The following CACNA2D3 variants were observed in gnomAD, a reference collection of about 807,000 sequenced individuals.
CACNA2D3 encodes voltage-dependent calcium channel subunit alpha-2/delta-3.
Under a neutral mutation model 160.6 loss-of-function variants are expected in CACNA2D3, and 60 were observed. The ratio of observed to expected loss-of-function variants is 0.37; its 90% CI spans 0.30 to 0.46. CACNA2D3 has a LOEUF of 0.46. CACNA2D3 is among the 20% of genes least tolerant of loss of function. CACNA2D3 has a pLI of 1.00. For missense variants in CACNA2D3, 1,205 were observed against 1,365.0 expected (o/e 0.88, Z 1.85); for synonymous variants, 558 against 492.9 (o/e 1.13, Z -1.75).
intron 17 of CACNA2D3, among the ~76,000 whole-genome samples, chr3:54,863,661 C>T (rs1322785360): frequency 2.0e-5 from 3 of 151,782 alleles, no homozygotes; most frequent in African/African-American, 7.3e-5. Flanking sequence ...ACCCAGAGGA[C>T]ACTGATTAAG....
rs764938897 is a variant in CACNA2D3, at chr3:54,569,949, C to T, written c.738-5C>T. On this transcript the variant is annotated splice_region_variant and splice_polypyrimidine_tract_variant and intron_variant, in intron 7 of 37. Transcript: ENST00000474759. Reference sequence around the variant, plus strand: ...AATTTTGACTTAATTTTTCCCTTGACCTAGGTACATCCAGGCAGCAACTTC... The same window carrying T: ...AATTTTGACTTAATTTTTCCCTTGATCTAGGTACATCCAGGCAGCAACTTC... 6.8e-6 allele frequency: 11 copies of T among 1,613,856 alleles called. No individual in the cohort carries two copies. The South Asian group carries it at 7.7e-5, about 11-fold the overall frequency.
intron 2 of CACNA2D3, among the ~76,000 whole-genome samples, chr3:54,218,325 C>T (rs559833719): frequency 1.4e-3 from 210 of 152,204 alleles, no homozygotes; most frequent in Non-Finnish European, 2.2e-3. Context: ...CAGCTGCATC[C>T]GTCTCAGCTG....
At chr3:54,541,950 T>C (rs1701987079) in intron 5 of CACNA2D3, among the ~76,000 whole-genome samples, 1 of 151,778 alleles carries the variant, frequency 6.6e-6, no homozygotes, top group Non-Finnish European at 1.5e-5. Context: ...TTTTTTTTTT[T>C]TCGTACAATT....
intron 4 of CACNA2D3, among the ~76,000 whole-genome samples, chr3:54,496,444 C>T (rs1443693367): frequency 1.3e-5 from 2 of 152,166 alleles, no homozygotes; most frequent in Non-Finnish European, 2.9e-5. Flanking sequence ...TGACCATTCA[C>T]ATACCTTCTT....
chr3:54,338,137 G>A (rs1381177198), intron 3 of CACNA2D3, among the ~76,000 whole-genome samples: 1 of 152,240 alleles, frequency 6.6e-6, no homozygotes, highest in Non-Finnish European at 1.5e-5. Context: ...GTCATCCAGT[G>A]ATGATTCTGT....
intron 2 of CACNA2D3, among the ~76,000 whole-genome samples, chr3:54,249,204 A>G (rs1378395950): frequency 2.6e-5 from 4 of 152,168 alleles, no homozygotes; most frequent in African/African-American, 9.7e-5. Context: ...TTTGGAGATT[A>G]AGCATGGTTT....
At chr3:54,425,956 G>A (rs192105722) in intron 4 of CACNA2D3, among the ~76,000 whole-genome samples, 1 of 152,356 alleles carries the variant, frequency 6.6e-6, no homozygotes, top group Admixed American at 6.5e-5. Flanking sequence ...GTTAAAATCA[G>A]CATACTCCTA....
chr3:54,399,914 C>G (rs1699417377), intron 4 of CACNA2D3, among the ~76,000 whole-genome samples: 1 of 122,258 alleles, frequency 8.2e-6, no homozygotes, highest in Non-Finnish European at 1.7e-5. Context: ...TGCCGCCTTG[C>G]AGTTTGATCT....
intron 27 of CACNA2D3, among the ~76,000 whole-genome samples, chr3:54,945,524 C>G (rs1453741024): frequency 1.3e-5 from 2 of 152,190 alleles, no homozygotes; most frequent in South Asian, 2.1e-4. Context: ...GAAATACAGA[C>G]TTTGAGGAGG....
intron 2 of CACNA2D3, among the ~76,000 whole-genome samples, chr3:54,260,922 C>T (rs912819870): frequency 3.9e-5 from 6 of 152,136 alleles, no homozygotes; most frequent in South Asian, 2.1e-4. Context: ...CATGTGACTC[C>T]GTCTCATTTC....
intron 11 of CACNA2D3, among the ~76,000 whole-genome samples, chr3:54,643,981 A>T (rs1463817683): frequency 6.6e-6 from 1 of 152,182 alleles, no homozygotes; most frequent in South Asian, 2.1e-4. Context: ...GGGAGTTTTA[A>T]TAAGCAGCTC....
At chr3:54,320,170 T>G (rs1703955828) in intron 2 of CACNA2D3, among the ~76,000 whole-genome samples, 1 of 152,250 alleles carries the variant, frequency 6.6e-6, no homozygotes, top group Non-Finnish European at 1.5e-5. Context: ...AATCAGTCCC[T>G]TATAAATAGA....
chr3:54,774,820 G>T (rs530214121), intron 13 of CACNA2D3, among the ~76,000 whole-genome samples: 21 of 151,602 alleles, frequency 1.4e-4, no homozygotes, highest in Non-Finnish European at 2.9e-4. Context: ...ATTTTTAGTA[G>T]AGACAGGGTT....
intron 17 of CACNA2D3, among the ~76,000 whole-genome samples, chr3:54,852,941 T>C (rs1699090518): frequency 6.6e-6 from 1 of 152,208 alleles, no homozygotes; most frequent in Non-Finnish European, 1.5e-5. Flanking sequence ...AGAATTTAGA[T>C]GTGAAAGTCA....
intron 9 of CACNA2D3, among the ~76,000 whole-genome samples, chr3:54,615,614 G>A (rs556712481): frequency 6.6e-6 from 1 of 152,184 alleles, no homozygotes; most frequent in African/African-American, 2.4e-5. Context: ...AAAGTGAAAC[G>A]TGGTTTGTTT....
chr3:54,543,858 T>C (rs1702021156), intron 5 of CACNA2D3, among the ~76,000 whole-genome samples: 2 of 152,240 alleles, frequency 1.3e-5, no homozygotes, highest in South Asian at 2.1e-4. Flanking sequence ...GCATCTGTTA[T>C]ATATTTCCAT....
intron 2 of CACNA2D3, among the ~76,000 whole-genome samples, chr3:54,261,455 G>A (rs994810978): frequency 1.2e-4 from 18 of 152,178 alleles, no homozygotes; most frequent in African/African-American, 4.3e-4. Flanking sequence ...ATTAATTGCT[G>A]AATGCTCCCA....
chr3:54,312,225 G>T (rs1246849755), intron 2 of CACNA2D3, among the ~76,000 whole-genome samples: 1 of 152,126 alleles, frequency 6.6e-6, no homozygotes, highest in Non-Finnish European at 1.5e-5. Context: ...CCATCTCCCC[G>T]CCAGGGCCTT....
intron 2 of CACNA2D3, among the ~76,000 whole-genome samples, chr3:54,293,192 AT>A (rs1309935137): frequency 7.2e-5 from 11 of 152,068 alleles, no homozygotes; most frequent in African/African-American, 2.7e-4. Context: ...ATGGGGTATT[AT>A]TTTTTTATTT....
Sources: gnomAD v4.1 joint callset for allele counts (sites outside exome capture counted in the v4.1 genomes callset) on GRCh38, gnomAD v4.1.1 for gene constraint, MANE v1.5 for transcripts, NCBI Gene and HGNC (gene_info 2026-07-23, HGNC 2026-07-21) for gene names.